Variants in NRG3 observed in about 807,000 individuals in gnomAD.
NRG3 encodes the protein neuregulin 3.
In NRG3, 31 loss-of-function variants were observed where a neutral mutation model predicts 66.9. The observed-to-expected ratio is 0.46, with a 90% CI of 0.35 to 0.63. NRG3 has a LOEUF of 0.63. Ranked by LOEUF, NRG3 falls within the 20% of genes least tolerant of loss-of-function variation. NRG3 has a pLI of 0.00. For missense variants in NRG3, 910 were observed against 878.9 expected, an observed-to-expected ratio of 1.04 and a Z score of -0.45; for synonymous variants, 393 against 359.4, an observed-to-expected ratio of 1.09 and a Z score of -1.06.
At position 81,876,085 on chromosome 10, in the gene NRG3, G is replaced by A; in HGVS notation, c.745G>A (p.Asp249Asn). 1.2e-6 allele frequency: 2 copies of A among 1,613,568 alleles called. No homozygotes were observed. The highest frequency in any genetic ancestry group is 1.7e-6 in the Non-Finnish European group (2 of 1,179,916). The change falls in exon 1 of 9, where the codon GAT (aspartate) becomes AAT (asparagine). Residue 249 changes from aspartate (D) to asparagine (N), a missense_variant. Asp to Asn is a conservative substitution (Grantham distance 23). Coordinates refer to ENST00000372141, the MANE Select transcript of NRG3 (RefSeq NM_001010848.4). The stretch of plus-strand genomic sequence containing the variant: ...CTCCTGGACCCTGTCTCCCTTTCAG[G>A]ATGCTGCCTCCTCTTCTTCCTCTTC... ...TPSWTLSPFQ[D>N]AASSSSSSSS...
chr10:82,608,249 A>T (rs777978858), intron 2 of NRG3, among the ~76,000 whole-genome samples: 6 of 152,190 alleles, frequency 3.9e-5, no homozygotes, highest in Non-Finnish European at 7.4e-5. Context: ...TTTCCTGCAC[A>T]GCTTCTGTTG....
chr10:82,009,539 C>T (rs2061498193), intron 1 of NRG3, among the ~76,000 whole-genome samples: 2 of 152,212 alleles, frequency 1.3e-5, no homozygotes, highest in African/African-American at 4.8e-5. Context: ...TGCCAACCTC[C>T]TCTCTTCCCT....
intron 1 of NRG3, among the ~76,000 whole-genome samples, chr10:82,249,106 A>G (rs766548396): frequency 1.4e-4 from 21 of 152,172 alleles, no homozygotes; most frequent in Non-Finnish European, 2.4e-4. Flanking sequence ...TATTAAGTAA[A>G]GGTCTTTATT....
intron 2 of NRG3, among the ~76,000 whole-genome samples, chr10:82,718,507 T>A (rs572712542): frequency 6.6e-6 from 1 of 152,326 alleles, no homozygotes; most frequent in South Asian, 2.1e-4. Flanking sequence ...GTTTTTCAAT[T>A]TTTGACAATG....
intron 1 of NRG3, among the ~76,000 whole-genome samples, chr10:82,012,615 T>G (rs2061626773): frequency 6.6e-6 from 1 of 152,198 alleles, no homozygotes; most frequent in Admixed American, 6.5e-5. Context: ...CATATCTTTG[T>G]GAATACATAA....
chr10:82,896,410 A>C (rs1843666858), intron 4 of NRG3, among the ~76,000 whole-genome samples: 1 of 152,200 alleles, frequency 6.6e-6, no homozygotes, highest in South Asian at 2.1e-4. Context: ...AGGAGGAATC[A>C]AGGATCTGTA....
At chr10:82,355,402 T>G (rs531245191) in intron 1 of NRG3, among the ~76,000 whole-genome samples, 10 of 152,306 alleles carry the variant, frequency 6.6e-5, no homozygotes, top group African/African-American at 2.4e-4. Context: ...TATGTTCTAT[T>G]TTATGTGTTT....
intron 2 of NRG3, among the ~76,000 whole-genome samples, chr10:82,657,833 A>G (rs935348388): frequency 3.3e-5 from 5 of 152,024 alleles, no homozygotes; most frequent in Non-Finnish European, 5.9e-5. Flanking sequence ...TCATGAAAAA[A>G]TAGATAAGAT....
rs967055705 is a variant in NRG3, at chr10:82,444,912, A to G, written c.953+86044A>G. ...ACAGAACCAACAAAGATGGATTTGC[A>G]TAAGCAGTGATCTGAATGCACGTAA... is the stretch of plus-strand genomic sequence containing the variant. On this transcript the variant is annotated intron_variant, in intron 2 of 8. Coordinates refer to ENST00000372141, the MANE Select transcript of NRG3 (RefSeq NM_001010848.4). Among the ~76,000 whole-genome samples, 3 of 152,248 alleles carry G rather than the reference A, an allele frequency of 2.0e-5. No homozygotes were observed. In the East Asian group the frequency reaches 5.8e-4, roughly 29 times the overall value.
intron 2 of NRG3, among the ~76,000 whole-genome samples, chr10:82,562,675 T>C (rs1035961212): frequency 1.3e-5 from 2 of 152,102 alleles, no homozygotes; most frequent in Non-Finnish European, 2.9e-5. Context: ...AAAAGTTTTT[T>C]CTCAATCACA....
intron 2 of NRG3, among the ~76,000 whole-genome samples, chr10:82,592,926 G>A (rs1022425085): frequency 6.6e-6 from 1 of 152,158 alleles, no homozygotes; most frequent in Non-Finnish European, 1.5e-5. Flanking sequence ...CTTTGGCTCA[G>A]ACTTAGACAC....
intron 1 of NRG3, among the ~76,000 whole-genome samples, chr10:82,176,167 G>C (rs1015953893): frequency 6.6e-6 from 1 of 152,146 alleles, no homozygotes; most frequent in Non-Finnish European, 1.5e-5. Context: ...ATACTGCACA[G>C]TACTTCCCAG....
chr10:81,907,016 G>A (rs1169892680), intron 1 of NRG3, among the ~76,000 whole-genome samples: 3 of 152,122 alleles, frequency 2.0e-5, no homozygotes, highest in Non-Finnish European at 4.4e-5. Context: ...GAGTAGGAGA[G>A]GTTTGGAGTG....
At chr10:82,568,238 C>T (rs2045531728) in intron 2 of NRG3, among the ~76,000 whole-genome samples, 1 of 151,782 alleles carries the variant, frequency 6.6e-6, no homozygotes, top group African/African-American at 2.4e-5. Context: ...ACACACTTGC[C>T]TAGGTTTTGG....
intron 1 of NRG3, among the ~76,000 whole-genome samples, chr10:82,343,684 A>G (rs546351250): frequency 1.3e-5 from 2 of 152,170 alleles, no homozygotes; most frequent in Non-Finnish European, 2.9e-5. Context: ...CCTGATGTAC[A>G]GCAGTGCACT....
intron 6 of NRG3, among the ~76,000 whole-genome samples, chr10:82,963,864 T>C (rs1850930340): frequency 6.6e-6 from 1 of 152,112 alleles, no homozygotes; most frequent in African/African-American, 2.4e-5. Context: ...ACACTCTGTC[T>C]CTCTGGGCCT....
chr10:82,368,067 T>A (rs1589872447), intron 2 of NRG3, among the ~76,000 whole-genome samples: 1 of 140,784 alleles, frequency 7.1e-6, no homozygotes. Context: ...AGTTTTCTTA[T>A]CTGTGAAGTG....
chr10:82,119,516 C>G (rs926448780), intron 1 of NRG3, among the ~76,000 whole-genome samples: 1 of 152,102 alleles, frequency 6.6e-6, no homozygotes, highest in Admixed American at 6.6e-5. Flanking sequence ...ATAAGTTACC[C>G]AACTTTATAG....
At chr10:82,195,946 A>T (rs2133405524) in intron 1 of NRG3, among the ~76,000 whole-genome samples, 1 of 152,342 alleles carries the variant, frequency 6.6e-6, no homozygotes, top group African/African-American at 2.4e-5. Context: ...AACGGAGCAC[A>T]GCTCTGCTGA....
Sources: gnomAD v4.1 joint callset for allele counts (sites outside exome capture counted in the v4.1 genomes callset) on GRCh38, gnomAD v4.1.1 for gene constraint, MANE v1.5 for transcripts, NCBI Gene and HGNC (gene_info 2026-07-23, HGNC 2026-07-21) for gene names.